Variants in RASAL2 observed in about 807,000 individuals in gnomAD.
RASAL2 encodes ras GTPase-activating protein nGAP.
A neutral mutation model predicts 128.9 loss-of-function variants in RASAL2; 58 were observed. That is an observed-to-expected ratio of 0.45 (90% CI 0.36 to 0.56). The LOEUF is 0.56. Among genes scored for constraint, RASAL2 ranks in the 20% least tolerant of loss-of-function variants. The pLI is 0.00. For synonymous variants in RASAL2, 561 were observed against 580.8 expected (o/e 0.97, Z 0.49); for missense variants, 1,360 against 1,601.6 (o/e 0.85, Z 2.57).
chr1:178,337,420 A>C (rs536881546), intron 3 of RASAL2, among the ~76,000 whole-genome samples: 1 of 152,216 alleles, frequency 6.6e-6, no homozygotes, highest in Non-Finnish European at 1.5e-5. Context: ...ATGATAAACA[A>C]TGGTTTTCTT....
At chr1:178,443,589 G>A (rs2102851465) in intron 8 of RASAL2, among the ~76,000 whole-genome samples, 1 of 152,208 alleles carries the variant, frequency 6.6e-6, no homozygotes, top group South Asian at 2.1e-4. Flanking sequence ...CTTCCTCACT[G>A]TATTTTATTT....
chr1:178,151,839 G>A (rs1013677266), intron 1 of RASAL2, among the ~76,000 whole-genome samples: 14 of 152,214 alleles, frequency 9.2e-5, no homozygotes, highest in African/African-American at 3.4e-4. Context: ...GAGGAAGCCA[G>A]CTGTTCCACT....
At chr1:178,136,613 G>A (rs1004863494) in intron 1 of RASAL2, among the ~76,000 whole-genome samples, 2 of 151,442 alleles carry the variant, frequency 1.3e-5, no homozygotes, top group Admixed American at 6.6e-5. Context: ...GAAAATTACC[G>A]GGGCGTGGTG....
chr1:178,462,500 T>A (rs1678271791), intron 14 of RASAL2, among the ~76,000 whole-genome samples: 1 of 152,138 alleles, frequency 6.6e-6, no homozygotes, highest in African/African-American at 2.4e-5. Context: ...AGTTTTTTCA[T>A]TTGAAGAACA....
chr1:178,142,082 G>C (rs1425998773), intron 1 of RASAL2, among the ~76,000 whole-genome samples: 2 of 152,094 alleles, frequency 1.3e-5, no homozygotes, highest in Non-Finnish European at 2.9e-5. Context: ...GAGGATCTAC[G>C]ATTCTAGTTA....
At chr1:178,238,564 G>A (rs757154550) in intron 1 of RASAL2, among the ~76,000 whole-genome samples, 6 of 151,748 alleles carry the variant, frequency 4.0e-5, no homozygotes, top group Non-Finnish European at 7.4e-5. Context: ...TTTTATATCC[G>A]TGTATTCATT....
chr1:178,264,437 A>G (rs571523780), intron 1 of RASAL2, among the ~76,000 whole-genome samples: 187 of 152,326 alleles, frequency 1.2e-3, no homozygotes, highest in African/African-American at 4.1e-3. Context: ...CTAAACCCTC[A>G]TGCACAAAAC....
At chr1:178,383,694 T>A (rs768962193) in intron 3 of RASAL2, among the ~76,000 whole-genome samples, 2 of 152,212 alleles carry the variant, frequency 1.3e-5, no homozygotes, top group African/African-American at 4.8e-5. Context: ...GTTTCTTAAA[T>A]GTCTTCTGTG....
intron 3 of RASAL2, among the ~76,000 whole-genome samples, chr1:178,356,639 G>C (rs1670827310): frequency 6.6e-6 from 1 of 152,120 alleles, no homozygotes; most frequent in Non-Finnish European, 1.5e-5. Flanking sequence ...AAAACATGTT[G>C]AGATATGCAC....
chr1:178,374,124 C>T (rs1671868143), intron 3 of RASAL2, among the ~76,000 whole-genome samples: 1 of 152,086 alleles, frequency 6.6e-6, no homozygotes, highest in Non-Finnish European at 1.5e-5. Flanking sequence ...CTCTCCTGAC[C>T]ATAGGCAGCA....
At chr1:178,098,565 C>T (rs1558052062) in intron 1 of RASAL2, among the ~76,000 whole-genome samples, 1 of 152,080 alleles carries the variant, frequency 6.6e-6, no homozygotes, top group Non-Finnish European at 1.5e-5. Flanking sequence ...AATTTAAGAT[C>T]CCAATCTCTA....
intron 1 of RASAL2, among the ~76,000 whole-genome samples, chr1:178,278,983 A>AAATTTATATTAGCATTTGCAGTTACTG (rs1197640252): frequency 6.6e-6 from 1 of 152,180 alleles, no homozygotes; most frequent in Non-Finnish European, 1.5e-5. Context: ...AGTAGTTTCT[A>AAATTTATATTAGCATTTGCAGTTACTG]AATTTATATT....
Position 178,451,574 on chromosome 1 carries a change from A to T in RASAL2, c.1631A>T (p.Glu544Val). 6.2e-7 allele frequency: 1 copy of T among 1,613,036 alleles called. No homozygotes were observed. Residue 544 changes from glutamate to valine, a missense_variant, in exon 10 of 18, where the codon GAG (glutamate) becomes GTG (valine). Glu to Val is a moderately radical substitution (Grantham distance 121). Transcript: ENST00000367649. The part of the protein sequence containing the change: ...GQQYLHDALG[E>V]FIKALYESDE... Reference sequence around the variant, plus strand: ...GTTATCTTCTCTCTTCAAATAGGGGAGTTTATCAAAGCTTTGTATGAGTCC... The same window carrying T: ...GTTATCTTCTCTCTTCAAATAGGGGTGTTTATCAAAGCTTTGTATGAGTCC...
chr1:178,245,124 T>C (rs1280745524), intron 1 of RASAL2, among the ~76,000 whole-genome samples: 1 of 152,240 alleles, frequency 6.6e-6, no homozygotes, highest in Non-Finnish European at 1.5e-5. Context: ...ATGGTATTTC[T>C]GGTTCTAGAT....
intron 1 of RASAL2, among the ~76,000 whole-genome samples, chr1:178,266,624 G>A (rs1665964273): frequency 6.6e-6 from 1 of 152,202 alleles, no homozygotes; most frequent in Non-Finnish European, 1.5e-5. Context: ...AAGAAAGAAG[G>A]AAGAAGCTAC....
chr1:178,255,221 G>A (rs185543999), intron 1 of RASAL2, among the ~76,000 whole-genome samples: 2 of 152,058 alleles, frequency 1.3e-5, no homozygotes, highest in East Asian at 3.9e-4. Context: ...CAGGCTGAAA[G>A]CAAGTAACTC....
At chr1:178,313,758 A>G (rs1195962761) in intron 3 of RASAL2, among the ~76,000 whole-genome samples, 1 of 152,236 alleles carries the variant, frequency 6.6e-6, no homozygotes, top group Non-Finnish European at 1.5e-5. Flanking sequence ...TACTGTTTTT[A>G]AAATTAGCTA....
intron 1 of RASAL2, among the ~76,000 whole-genome samples, chr1:178,105,662 A>G (rs1307731337): frequency 6.6e-6 from 1 of 150,732 alleles, no homozygotes; most frequent in Non-Finnish European, 1.5e-5. Flanking sequence ...TACTAGACAC[A>G]TTCTCTTTTT....
chr1:178,227,171 A>G (rs1246064587), intron 1 of RASAL2, among the ~76,000 whole-genome samples: 2 of 151,912 alleles, frequency 1.3e-5, no homozygotes, highest in Non-Finnish European at 2.9e-5. Flanking sequence ...TCTGATGCCT[A>G]CTTTCACAAG....
Sources: allele counts gnomAD v4.1 joint callset (sites outside exome capture counted in the v4.1 genomes callset), GRCh38; gene constraint gnomAD v4.1.1; transcripts MANE v1.5; gene names NCBI Gene and HGNC (gene_info 2026-07-23, HGNC 2026-07-21).